Variants in ANO2 observed in about 807,000 individuals in gnomAD.
ANO2 encodes anoctamin 2.
Under a neutral mutation model 124.2 loss-of-function variants are expected in ANO2, and 101 were observed. That is an observed-to-expected ratio of 0.81 (90% CI 0.69 to 0.96). The LOEUF (loss-of-function observed/expected upper bound fraction) is 0.96, where lower values mean the gene tolerates loss of function less well. Among genes scored for constraint, ANO2 ranks in the 40% least tolerant of loss-of-function variants. The pLI, the probability that ANO2 is intolerant of heterozygous loss-of-function variation, is 0.00. For missense variants in ANO2, 1,293 were observed against 1,274.5 expected (o/e 1.01, Z -0.22); for synonymous variants, 486 against 482.5 (o/e 1.01, Z -0.09).
At chr12:5,694,774 T>G (rs1385543387) in intron 14 of ANO2, among the ~76,000 whole-genome samples, 1 of 152,138 alleles carries the variant, frequency 6.6e-6, no homozygotes, top group Non-Finnish European at 1.5e-5. Context: ...TAACTAGCAT[T>G]AATTTTCATG....
intron 1 of ANO2, among the ~76,000 whole-genome samples, chr12:5,937,382 C>T (rs971451395): frequency 2.6e-5 from 4 of 152,120 alleles, no homozygotes; most frequent in African/African-American, 9.7e-5. Flanking sequence ...CTATCCAGGT[C>T]ATTTGCCTAT....
intron 4 of ANO2, among the ~76,000 whole-genome samples, chr12:5,833,851 C>G (rs1471562661): frequency 6.6e-6 from 1 of 152,168 alleles, no homozygotes; most frequent in Admixed American, 6.5e-5. Context: ...ATATTGTCTT[C>G]CGTGAAACCA....
At chr12:5,712,566 A>ACCTTGGAC (rs1233189242) in intron 14 of ANO2, among the ~76,000 whole-genome samples, 1 of 152,162 alleles carries the variant, frequency 6.6e-6, no homozygotes, top group Non-Finnish European at 1.5e-5. Context: ...TGACACCTTG[A>ACCTTGGAC]CCTTGGACTT....
chr12:5,873,195 A>AGCTCTCTC, intron 3 of ANO2, among the ~76,000 whole-genome samples: 1 of 76,798 alleles, frequency 1.3e-5, no homozygotes, highest in Admixed American at 1.2e-4. Context: ...TGCCTAAAGC[A>AGCTCTCTC]GCTCTCTCTC....
At chr12:5,853,166 A>ATTTTTTTTT (rs55663635) in intron 4 of ANO2, among the ~76,000 whole-genome samples, 1 of 140,062 alleles carries the variant, frequency 7.1e-6, no homozygotes, top group Non-Finnish European at 1.5e-5. Flanking sequence ...CCCTGGGTAG[A>ATTTTTTTTT]TTTTTTTTTT....
intron 20 of ANO2, among the ~76,000 whole-genome samples, chr12:5,586,674 C>T (rs1398646919): frequency 6.6e-6 from 1 of 152,194 alleles, no homozygotes; most frequent in African/African-American, 2.4e-5. Flanking sequence ...AAGCTCAGGC[C>T]ATTCTGCTCC....
At chr12:5,697,765 G>A (rs1022861345) in intron 14 of ANO2, among the ~76,000 whole-genome samples, 3 of 152,330 alleles carry the variant, frequency 2.0e-5, no homozygotes, top group South Asian at 2.1e-4. Flanking sequence ...CTAATACTGC[G>A]CTTTATCCAA....
intron 17 of ANO2, among the ~76,000 whole-genome samples, chr12:5,614,192 G>A (rs1944680047): frequency 6.6e-6 from 1 of 152,204 alleles, no homozygotes; most frequent in African/African-American, 2.4e-5. Flanking sequence ...CATCCAGACT[G>A]ACTGTAAAAT....
rs1271617976 is a variant in ANO2, at chr12:5,661,748, C to A, written c.1546-13947G>T. ...CCTGGCCCTTCCCTAGATCTGCCAA[C>A]TCAGAACCTGGGGGAGGGCCAGGAA... is the stretch of plus-strand genomic sequence containing the variant. On this transcript the variant is annotated intron_variant, in intron 14 of 24. Transcript: ENST00000682330. Among the ~76,000 whole-genome samples, 4 of 152,298 alleles carry A rather than the reference C, an allele frequency of 2.6e-5. No individual in the cohort carries two copies. In the East Asian group the frequency reaches 7.7e-4, roughly 29 times the overall value.
At chr12:5,682,376 C>T (rs995512) in intron 14 of ANO2, among the ~76,000 whole-genome samples, 56,520 of 151,594 alleles carry the variant, frequency 0.37, 12,255 homozygotes, top group East Asian at 0.59. Context: ...TCTCTCTCTC[C>T]TACTCCTCCA....
chr12:5,683,971 A>G (rs971420865), intron 14 of ANO2, among the ~76,000 whole-genome samples: 1 of 152,142 alleles, frequency 6.6e-6, no homozygotes, highest in Non-Finnish European at 1.5e-5. Context: ...CTTCCTGGGT[A>G]GCACAGTGTC....
intron 10 of ANO2, among the ~76,000 whole-genome samples, chr12:5,763,885 G>A (rs986458520): frequency 2.0e-5 from 3 of 152,122 alleles, no homozygotes; most frequent in African/African-American, 7.2e-5. Flanking sequence ...AAAACTGGTT[G>A]TTTGAAAGGA....
intron 4 of ANO2, among the ~76,000 whole-genome samples, chr12:5,843,808 G>A (rs1954599954): frequency 6.6e-6 from 1 of 152,160 alleles, no homozygotes; most frequent in African/African-American, 2.4e-5. Flanking sequence ...CTGGGCAGAG[G>A]AAGCATCAAT....
chr12:5,612,991 A>G (rs1944621407), intron 17 of ANO2, 33 bp from the exon 18 acceptor site: 1 of 1,610,442 alleles, frequency 6.2e-7, no homozygotes, highest in Non-Finnish European at 8.5e-7. Context: ...GAGTTAGGGG[A>G]AGAGAAAGCA....
At chr12:5,716,119 T>C (rs1223350324) in intron 14 of ANO2, among the ~76,000 whole-genome samples, 1 of 152,244 alleles carries the variant, frequency 6.6e-6, no homozygotes, top group African/African-American at 2.4e-5. Flanking sequence ...GATTTACTTT[T>C]CTTCTTTATT....
chr12:5,803,462 A>G (rs1953104880), intron 9 of ANO2, among the ~76,000 whole-genome samples: 1 of 152,168 alleles, frequency 6.6e-6, no homozygotes, highest in East Asian at 1.9e-4. Context: ...TCCAGGACTA[A>G]GGGTTTCCAG....
At chr12:5,715,832 T>C (rs948146669) in intron 14 of ANO2, among the ~76,000 whole-genome samples, 1 of 152,312 alleles carries the variant, frequency 6.6e-6, no homozygotes, top group South Asian at 2.1e-4. Flanking sequence ...CCACCTGATA[T>C]AATGCTCCTG....
intron 3 of ANO2, chr12:5,858,725 T>C (rs1446634191): frequency 6.6e-6 from 1 of 152,220 alleles, no homozygotes; most frequent in African/African-American, 2.4e-5. Flanking sequence ...TCAATAAACA[T>C]CAGGCATTAC....
intron 13 of ANO2, among the ~76,000 whole-genome samples, chr12:5,734,558 G>A (rs7954169): frequency 0.13 from 19,557 of 152,180 alleles, 1,575 homozygotes; most frequent in African/African-American, 0.23. Context: ...GCAGCACACA[G>A]AGGAGTTTGC....
Sources: gnomAD v4.1 joint callset for allele counts (sites outside exome capture counted in the v4.1 genomes callset) on GRCh38, gnomAD v4.1.1 for gene constraint, MANE v1.5 for transcripts, NCBI Gene and HGNC (gene_info 2026-07-23, HGNC 2026-07-21) for gene names.